RHPN2: variants seen among roughly 807,000 people sequenced by gnomAD.
RHPN2 encodes rhophilin-2.
In RHPN2, 40 loss-of-function variants were observed where a neutral mutation model predicts 79.0. The observed-to-expected ratio is 0.51, with a 90% CI of 0.39 to 0.66. The LOEUF (loss-of-function observed/expected upper bound fraction) is 0.66. Among genes scored for constraint, RHPN2 ranks in the 30% least tolerant of loss-of-function variants. The probability of loss-of-function intolerance (pLI) is 0.00; values close to 1 mark genes in which losing one functional copy is unlikely to be tolerated. For synonymous variants in RHPN2, 285 were observed against 363.5 expected (o/e 0.78, Z 2.46); for missense variants, 686 against 883.5 (o/e 0.78, Z 2.83).
chr19:33,005,412 C>CAAA lies in RHPN2; in HGVS notation c.761-2415_761-2413dup, dbSNP rs766044835. The stretch of plus-strand genomic sequence containing the variant: ...TGGGCGACAGAGTGAGATTCTGTCT[C>CAAA]AAAAAAAAAAAAAAAAAAAAAAAAA... On this transcript the variant is annotated intron_variant, in intron 7 of 14. Transcript: ENST00000254260. Among the ~76,000 whole-genome samples, 59 of 62,580 alleles carry CAAA rather than the reference C, an allele frequency of 9.4e-4. 1 individual carries two copies. The highest frequency in any genetic ancestry group is 9.9e-4 in the African/African-American group (15 of 15,214). The allele number at this position is 62,580 out of a possible 152,430, so 41.1% of individuals were successfully genotyped here.
intron 4 of RHPN2, among the ~76,000 whole-genome samples, chr19:33,018,268 G>A (rs1394938356): frequency 6.6e-6 from 1 of 152,098 alleles, no homozygotes; most frequent in Non-Finnish European, 1.5e-5. Context: ...GGTGGAGGTT[G>A]CAGTGAGCTG....
At chr19:33,013,918 C>T (rs1053236514) in intron 4 of RHPN2, among the ~76,000 whole-genome samples, 18 of 151,792 alleles carry the variant, frequency 1.2e-4, no homozygotes, top group African/African-American at 1.4e-4. Context: ...TTTGTTGCCT[C>T]GGCTGGAGTG....
At chr19:33,062,793 TAATAATA>T (rs1435621844) in intron 1 of RHPN2, among the ~76,000 whole-genome samples, 8 of 143,388 alleles carry the variant, frequency 5.6e-5, no homozygotes, top group South Asian at 4.4e-4. Flanking sequence ...ATAATAATAA[TAATAATA>T]ATAATTAATA....
At chr19:33,047,533 T>A (rs1023525094) in intron 1 of RHPN2, among the ~76,000 whole-genome samples, 2 of 152,146 alleles carry the variant, frequency 1.3e-5, no homozygotes, top group Non-Finnish European at 2.9e-5. Flanking sequence ...TCCTGCCCAC[T>A]GCGGTTACTC....
intron 14 of RHPN2, among the ~76,000 whole-genome samples, chr19:32,984,150 A>G (rs1454114937): frequency 1.3e-5 from 2 of 152,056 alleles, no homozygotes; most frequent in Non-Finnish European, 2.9e-5. Context: ...GCTTGATTCC[A>G]AGCTTAGATT....
chr19:33,002,460 C>A (rs1971757515), intron 8 of RHPN2, 57 bp from the exon 9 acceptor site: 2 of 1,605,516 alleles, frequency 1.2e-6, no homozygotes, highest in Non-Finnish European at 1.7e-6. Flanking sequence ...CTCATGAACC[C>A]ATTTGCAGAG....
intron 10 of RHPN2, among the ~76,000 whole-genome samples, chr19:32,999,155 G>A (rs1971728384): frequency 6.6e-6 from 1 of 152,052 alleles, no homozygotes; most frequent in Admixed American, 6.6e-5. Context: ...AGAGGGGCAG[G>A]TTAGGGTGGT....
chr19:33,025,462 A>G (rs1474098774), intron 3 of RHPN2, among the ~76,000 whole-genome samples: 1 of 151,994 alleles, frequency 6.6e-6, no homozygotes, highest in African/African-American at 2.4e-5. Flanking sequence ...AACCTGGGTA[A>G]GAGAGGGAGA....
intron 14 of RHPN2, among the ~76,000 whole-genome samples, chr19:32,983,791 T>C (rs1971595853): frequency 6.6e-6 from 1 of 151,924 alleles, no homozygotes; most frequent in Non-Finnish European, 1.5e-5. Context: ...CACACCCAGA[T>C]AATTTTTGTA....
At chr19:33,026,430 CTT>C in intron 3 of RHPN2, 72 bp downstream of exon 3, 1 of 1,581,714 alleles carries the variant, frequency 6.3e-7, no homozygotes, top group Non-Finnish European at 8.6e-7. Context: ...TATCTGACCT[CTT>C]TGTGCAGCAC....
At chr19:33,009,757 G>T (rs1310745555) in intron 6 of RHPN2, among the ~76,000 whole-genome samples, 2 of 151,588 alleles carry the variant, frequency 1.3e-5, no homozygotes, top group African/African-American at 4.8e-5. Flanking sequence ...ACCCAGCCTA[G>T]GACTTGTTTT....
chr19:33,051,810 CAGTAG>C (rs1972190397), intron 1 of RHPN2: 2 of 159,082 alleles, frequency 1.3e-5, no homozygotes, highest in Non-Finnish European at 2.8e-5. Context: ...CACTTGAGGT[CAGTAG>C]TTTGAGACCA....
intron 5 of RHPN2, 39 bp from the exon 6 acceptor site, chr19:33,011,842 G>A (rs1261957381): frequency 6.2e-7 from 1 of 1,613,696 alleles, no homozygotes; most frequent in Admixed American, 1.7e-5. Flanking sequence ...GAGCAGAGGA[G>A]GACACAGCTG....
chr19:33,052,630 A>G (rs1355277037), intron 1 of RHPN2, among the ~76,000 whole-genome samples: 1 of 152,254 alleles, frequency 6.6e-6, no homozygotes, highest in Non-Finnish European at 1.5e-5. Context: ...GTACACTGCA[A>G]TACACACATA....
chr19:33,050,532 A>G (rs1303996861), intron 1 of RHPN2, among the ~76,000 whole-genome samples: 2 of 152,000 alleles, frequency 1.3e-5, no homozygotes, highest in Admixed American at 1.3e-4. Context: ...GGCAACCAAT[A>G]CTCTGATTTC....
chr19:33,063,522 A>C (rs1469477348), intron 1 of RHPN2, among the ~76,000 whole-genome samples: 2 of 152,342 alleles, frequency 1.3e-5, no homozygotes, highest in East Asian at 1.9e-4. Flanking sequence ...CTATTATAAA[A>C]ACGAAAATCA....
chr19:33,060,903 C>A (rs1972274128), intron 1 of RHPN2, among the ~76,000 whole-genome samples: 1 of 152,176 alleles, frequency 6.6e-6, no homozygotes, highest in Non-Finnish European at 1.5e-5. Context: ...ATAGGTATTA[C>A]AAGGGGCTAA....
chr19:33,060,686 C>G (rs1972272430), intron 1 of RHPN2, among the ~76,000 whole-genome samples: 1 of 152,172 alleles, frequency 6.6e-6, no homozygotes, highest in South Asian at 2.1e-4. Flanking sequence ...GAACACAACA[C>G]TATGCCAGGC....
chr19:33,064,665 C>G, intron 1 of RHPN2, 119 bp downstream of exon 1: 1 of 1,070,332 alleles, frequency 9.3e-7, no homozygotes, highest in East Asian at 3.1e-5. Flanking sequence ...GCCCAGTGCG[C>G]CCCCTCCCCC....
Sources: gnomAD v4.1 joint callset for allele counts (sites outside exome capture counted in the v4.1 genomes callset) on GRCh38, gnomAD v4.1.1 for gene constraint, MANE v1.5 for transcripts, NCBI Gene and HGNC (gene_info 2026-07-23, HGNC 2026-07-21) for gene names.